The following ZSCAN20 variants were observed in gnomAD, a reference collection of about 807,000 sequenced individuals.
The protein encoded by ZSCAN20 is zinc finger and SCAN domain containing 20, also known as zinc finger and SCAN domain-containing protein 20.
A neutral mutation model predicts 97.1 loss-of-function variants in ZSCAN20; 39 were observed. The ratio of observed to expected loss-of-function variants is 0.40; its 90% CI spans 0.31 to 0.52. The LOEUF (loss-of-function observed/expected upper bound fraction) is 0.52. Among genes scored for constraint, ZSCAN20 ranks in the 20% least tolerant of loss-of-function variants. The probability of loss-of-function intolerance (pLI) is 0.49; values close to 1 mark genes in which losing one functional copy is unlikely to be tolerated. For missense variants in ZSCAN20, 1,115 were observed against 1,290.4 expected, an observed-to-expected ratio of 0.86 and a Z score of 2.08; for synonymous variants, 456 against 467.3, an observed-to-expected ratio of 0.98 and a Z score of 0.31.
intron 3 of ZSCAN20, among the ~76,000 whole-genome samples, chr1:33,488,869 A>G (rs1359388838): frequency 6.6e-6 from 1 of 152,026 alleles, no homozygotes; most frequent in Non-Finnish European, 1.5e-5. Flanking sequence ...GTCCTGCAGC[A>G]GGTGCAGGCT....
intron 2 of ZSCAN20, among the ~76,000 whole-genome samples, chr1:33,485,284 C>T (rs1417635420): frequency 6.6e-6 from 1 of 152,144 alleles, no homozygotes; most frequent in East Asian, 1.9e-4. Context: ...AGTGTGTGGC[C>T]ATAGATATTC....
intron 2 of ZSCAN20, among the ~76,000 whole-genome samples, chr1:33,484,206 T>C (rs1652266895): frequency 6.6e-6 from 1 of 152,222 alleles, no homozygotes; most frequent in South Asian, 2.1e-4. Context: ...TTTCTTATCT[T>C]GTATTAGTCT....
At chr1:33,487,873 AACCCTTGGCATCAAGTG>A (rs1405570824) in intron 2 of ZSCAN20, among the ~76,000 whole-genome samples, 1 of 152,046 alleles carries the variant, frequency 6.6e-6, no homozygotes, top group Non-Finnish European at 1.5e-5. Context: ...GCTGGTCTTG[AACCCTTGGCATCAAGTG>A]ATTCCCTTGC....
At chr1:33,485,935 G>T (rs1489396802) in intron 2 of ZSCAN20, among the ~76,000 whole-genome samples, 3 of 152,048 alleles carry the variant, frequency 2.0e-5, no homozygotes, top group African/African-American at 7.2e-5. Flanking sequence ...TCTGACCTTT[G>T]CCAGTGCTTC....
chr1:33,479,242 C>A lies in ZSCAN20; in HGVS notation c.-47C>A. ...AGGACTCACCGTAGATGCAGGAAGA[C>A]ATTGGATGAGGTCAGCATAGCTGAA... On this transcript the variant is annotated 5_prime_UTR_variant, in exon 2 of 8. Transcript: ENST00000684572. 1 of 1,534,682 alleles carries A rather than the reference C, an allele frequency of 6.5e-7. No homozygotes were observed.
At chr1:33,488,264 C>T (rs1249950015) in intron 2 of ZSCAN20, among the ~76,000 whole-genome samples, 1 of 152,036 alleles carries the variant, frequency 6.6e-6, no homozygotes, top group African/African-American at 2.4e-5. Flanking sequence ...GGATCGCCAC[C>T]CTGTGTTCAA....
Position 33,482,953 on chromosome 1 carries a change from C to T in ZSCAN20, c.417+3248C>T, listed in dbSNP as rs144127755. On this transcript the variant is annotated intron_variant, in intron 2 of 7. Coordinates refer to ENST00000684572, the MANE Select transcript of ZSCAN20 (RefSeq NM_001377376.1). ...GAGTTTTAAGAGTTCTTTGTATGTT[C>T]GGGGTAACGGTCCTTTATCAGATAT... Among the ~76,000 whole-genome samples, 687 of 152,192 alleles carry T rather than the reference C, an allele frequency of 4.5e-3. 3 individuals are homozygous for T. Among genetic ancestry groups the T allele is most frequent in the Middle Eastern group, 0.027 (8 of 294 alleles).
intron 1 of ZSCAN20, among the ~76,000 whole-genome samples, chr1:33,475,853 A>G (rs916331179): frequency 3.4e-5 from 5 of 148,980 alleles, no homozygotes; most frequent in Admixed American, 2.0e-4. Context: ...TATTTTTAGT[A>G]GAGACAGGGT....
chr1:33,488,000 C>A (rs181070448), intron 2 of ZSCAN20, among the ~76,000 whole-genome samples: 55 of 152,214 alleles, frequency 3.6e-4, no homozygotes, highest in Admixed American at 3.5e-3. Flanking sequence ...TTAAAAATAT[C>A]TTTCTCTTTC....
Position 33,501,539 on chromosome 1 carries a change from T to TTA in ZSCAN20, c.*6064_*6065insAT, listed in dbSNP as rs1553124204. On this transcript the variant is annotated 3_prime_UTR_variant, in exon 8 of 8. Transcript: ENST00000684572. ...TTTCACTTCCCCATTTTCTGTTATT[T>TTA]TTTTTTTTTTTGTGCTGTTATGTAC... Among the ~76,000 whole-genome samples the TTA allele has an allele frequency of 5.4e-5, 8 of 146,968 alleles. No individual in the cohort carries two copies. Among genetic ancestry groups the TTA allele is most frequent in the Admixed American group, 4.0e-4 (6 of 14,916 alleles).
rs1652858789 is a variant in ZSCAN20 at position 33,496,232 on chromosome 1, A to T, written c.*756A>T. On this transcript the variant is annotated 3_prime_UTR_variant, in exon 8 of 8. Coordinates refer to ENST00000684572, the MANE Select transcript of ZSCAN20 (RefSeq NM_001377376.1). ...TCTGTCTTGAGTCTATCGTGCTCTT[A>T]TTGCTATACTGAATTCCCATTCATG... 1 of 152,172 alleles carries T rather than the reference A, an allele frequency of 6.6e-6. No individual in the cohort carries two copies. Among genetic ancestry groups the T allele is most frequent in the African/African-American group, 2.4e-5 (1 of 41,432 alleles). The allele number at this position is 152,172 out of a possible 1,614,324, so 9.4% of individuals were successfully genotyped here. A position where few individuals can be genotyped will look rare whatever the true frequency, so the allele number is the denominator to read the frequency against.
intron 2 of ZSCAN20, among the ~76,000 whole-genome samples, chr1:33,486,465 G>T (rs1483447714): frequency 1.3e-5 from 2 of 152,236 alleles, no homozygotes; most frequent in Non-Finnish European, 2.9e-5. Context: ...TTCTCTGACA[G>T]ATCTAAGGAG....
chr1:33,480,755 A>G (rs985884942), intron 2 of ZSCAN20, among the ~76,000 whole-genome samples: 1 of 152,246 alleles, frequency 6.6e-6, no homozygotes, highest in African/African-American at 2.4e-5. Flanking sequence ...TAACATTCGC[A>G]GTTTCAACAA....
rs1326163134 is a variant in ZSCAN20 at position 33,489,187 on chromosome 1, C to G, written c.677C>G (p.Ser226Cys). 6.2e-7 allele frequency: 1 copy of G among 1,613,396 alleles called. No individual in the cohort carries two copies. Among genetic ancestry groups the G allele is most frequent in the Admixed American group, 1.7e-5 (1 of 59,982 alleles). The change falls in exon 4 of 8, where the codon TCC (serine) becomes TGC (cysteine). Residue 226 changes from serine to cysteine, a missense_variant. Physicochemically the swap from Ser to Cys is moderately radical, Grantham distance 112. Coordinates refer to ENST00000684572, the MANE Select transcript of ZSCAN20 (RefSeq NM_001377376.1). ...SVGDWEVTAESQEALGPGKHA... is the reference protein window; with the variant it reads ...SVGDWEVTAECQEALGPGKHA... ...GGAGATTGGGAGGTGACAGCTGAGT[C>G]CCAGGTAAGCTGTTACTCGTTCTTC...
Position 33,488,629 on chromosome 1 carries a change from A to C in ZSCAN20, c.582A>C (p.Ala194=), listed in dbSNP as rs888650968. The C allele has an allele frequency of 2.5e-6, 4 of 1,612,678 alleles. No individual in the cohort carries two copies. Among genetic ancestry groups the C allele is most frequent in the Admixed American group, 3.4e-5 (2 of 59,680 alleles). The change falls in exon 3 of 8, where the codon GCA becomes GCC. Residue 194 remains alanine, a synonymous_variant. Transcript: ENST00000684572. ...DLPNHLNAEV[A]PQPLKESAVL... is the part of the protein sequence containing the mutation. ...CCAATCACCTAAATGCCGAGGTGGC[A>C]CCACAGCCTTTGAAAGAGAGTGGTG...
chr1:33,488,393 G>A (rs1557440856), intron 2 of ZSCAN20, 72 bp from the exon 3 acceptor site: 4 of 1,474,562 alleles, frequency 2.7e-6, no homozygotes, highest in Admixed American at 1.9e-5. Flanking sequence ...CCTCTGGACT[G>A]CAGTTGTACT....
chr1:33,488,622 A>T lies in ZSCAN20; in HGVS notation c.575A>T (p.Glu192Val), dbSNP rs1202172981. The change falls in exon 3 of 8, where the codon GAG becomes GTG. Residue 192 changes from glutamate (E) to valine (V), a missense_variant. Glu to Val is a moderately radical substitution (Grantham distance 121). This residue lies in a region of ZSCAN20 where 508 missense variants were observed against 611.2 expected (regional missense o/e 0.83). Coordinates refer to ENST00000684572, the MANE Select transcript of ZSCAN20 (RefSeq NM_001377376.1). ...CPDLPNHLNA[E>V]VAPQPLKESA... is the part of the protein sequence containing the mutation. ...GACCTTCCCAATCACCTAAATGCCG[A>T]GGTGGCACCACAGCCTTTGAAAGAG... 1 of 1,613,028 alleles carries T rather than the reference A, an allele frequency of 6.2e-7. No homozygotes were observed. Among genetic ancestry groups the T allele is most frequent in the Admixed American group, 1.7e-5 (1 of 59,726 alleles).
At chr1:33,482,751 G>A (rs1652201345) in intron 2 of ZSCAN20, among the ~76,000 whole-genome samples, 1 of 152,134 alleles carries the variant, frequency 6.6e-6, no homozygotes, top group South Asian at 2.1e-4. Flanking sequence ...TTGGATTTTG[G>A]CCATTCTAAT....
intron 1 of ZSCAN20, among the ~76,000 whole-genome samples, chr1:33,477,007 C>G (rs149442159): frequency 6.6e-6 from 1 of 152,218 alleles, no homozygotes; most frequent in East Asian, 1.9e-4. Context: ...AATACTGATT[C>G]TAGTAATATA....
Sources: allele counts gnomAD v4.1 joint callset (sites outside exome capture counted in the v4.1 genomes callset), GRCh38; gene constraint gnomAD v4.1.1; regional missense constraint gnomAD v4.1.1; transcripts MANE v1.5; gene names NCBI Gene and HGNC (gene_info 2026-07-23, HGNC 2026-07-21).